DGKD: variants seen among roughly 807,000 people sequenced by gnomAD.
DGKD encodes diacylglycerol kinase delta, also known as DAG kinase delta.
A neutral mutation model predicts 154.4 loss-of-function variants in DGKD; 68 were observed. The ratio of observed to expected loss-of-function variants is 0.44; its 90% confidence interval spans 0.36 to 0.54. The LOEUF is 0.54. Ranked by LOEUF, DGKD falls within the 20% of genes least tolerant of loss-of-function variation. DGKD has a pLI of 0.00. For missense variants in DGKD, 1,343 were observed against 1,593.6 expected, an observed-to-expected ratio of 0.84 and a Z score of 2.68; for synonymous variants, 693 against 638.0, an observed-to-expected ratio of 1.09 and a Z score of -1.30.
rs1292938129 is a variant in DGKD at position 233,397,172 on chromosome 2, GTGAGAGGA to G, written c.348+6690_348+6697del. Among the ~76,000 whole-genome samples the G allele has an allele frequency of 2.0e-4, 21 of 104,682 alleles. 3 individuals are homozygous for G. Among genetic ancestry groups the G allele is most frequent in the East Asian group, 6.2e-4 (2 of 3,212 alleles). 68.7% of individuals were successfully genotyped at this position (104,682 alleles called of 152,430 possible). ...CAGGGTGGCTGCGGGGGGGGCCAGA[GTGAGAGGA>G]CTCCAGAGGGGACCAGGGTGGCTGG... On this transcript the variant is annotated intron_variant, in intron 3 of 29. Coordinates refer to ENST00000264057, the MANE Select transcript of DGKD (RefSeq NM_152879.3).
chr2:233,426,843 C>T (rs1214746694), intron 3 of DGKD, among the ~76,000 whole-genome samples: 4 of 152,226 alleles, frequency 2.6e-5, no homozygotes, highest in Admixed American at 6.5e-5. Context: ...GCACTTGATA[C>T]TGTCTGTTAC....
At chr2:233,398,284 AGG>A in intron 3 of DGKD, among the ~76,000 whole-genome samples, 1 of 151,422 alleles carries the variant, frequency 6.6e-6, no homozygotes, top group Non-Finnish European at 1.5e-5. Context: ...CTGGGAGTAC[AGG>A]TGCCGCCACC....
intron 1 of DGKD, among the ~76,000 whole-genome samples, chr2:233,378,275 G>A (rs1702693751): frequency 6.6e-6 from 1 of 152,082 alleles, no homozygotes; most frequent in Admixed American, 6.5e-5. Flanking sequence ...AGCTGGATGT[G>A]GTGGCGGGCG....
intron 3 of DGKD, among the ~76,000 whole-genome samples, chr2:233,403,328 G>A (rs1461357583): frequency 3.9e-5 from 6 of 152,164 alleles, no homozygotes; most frequent in Non-Finnish European, 2.9e-5. Context: ...GGGAGGCCGA[G>A]GCAGGCGGAT....
Position 233,438,059 on chromosome 2 carries a change from G to T in DGKD, c.923-158G>T, listed in dbSNP as rs537857476. 6.6e-6 allele frequency among the ~76,000 whole-genome samples: 1 copy of T among 152,306 alleles called. No homozygotes were observed. The highest frequency in any genetic ancestry group is 1.5e-5 in the Non-Finnish European group (1 of 68,024). On this transcript the variant is annotated intron_variant, in intron 8 of 29. Transcript: ENST00000264057. This position sits in a 1 kb window ranked among gnomAD's most constrained non-coding sequence, Gnocchi z 4.1. ...GCTCCCGGCCTCACACATGGAGACC[G>T]GCTGTGGGGAACTGTTCACTGACCT...
intron 2 of DGKD, among the ~76,000 whole-genome samples, chr2:233,389,792 C>CG (rs1285363252): frequency 6.6e-6 from 1 of 152,126 alleles, no homozygotes; most frequent in Non-Finnish European, 1.5e-5. Context: ...GAGAGGGAGA[C>CG]GGGGGAGGTC....
At chr2:233,431,941 C>T (rs2062527495) in intron 3 of DGKD, among the ~76,000 whole-genome samples, 1 of 152,096 alleles carries the variant, frequency 6.6e-6, no homozygotes, top group African/African-American at 2.4e-5. Context: ...GCACAGGCAA[C>T]CAAAGCAAAA....
intron 3 of DGKD, among the ~76,000 whole-genome samples, chr2:233,421,999 A>G (rs898348607): frequency 5.3e-5 from 8 of 152,186 alleles, no homozygotes; most frequent in Non-Finnish European, 1.2e-4. Context: ...GGATGGGACA[A>G]TTACTGGTCT....
In DGKD at chr2:233,449,182, A is replaced by T; in HGVS notation, c.1694A>T (p.Asn565Ile). ...TCCCAGGCCTCGTCCTCTCTGCCCA[A>T]CCCGCCCCCCACCATTGCCGAGGAG... ...DESQASSSLPNPPPTIAEEAE... is the reference protein window; with the variant it reads ...DESQASSSLPIPPPTIAEEAE... The change falls in exon 15 of 30, where the codon AAC becomes ATC. Residue 565 changes from asparagine (N) to isoleucine (I), a missense_variant. Physicochemically the swap from Asn to Ile is moderately radical, Grantham distance 149. Coordinates refer to ENST00000264057, the MANE Select transcript of DGKD (RefSeq NM_152879.3). The surrounding 1 kb of genome is among the most constrained non-coding windows in gnomAD (Gnocchi z 5.3). 1.2e-6 allele frequency: 2 copies of T among 1,613,438 alleles called. No individual in the cohort carries two copies. Among genetic ancestry groups the T allele is most frequent in the South Asian group, 2.2e-5 (2 of 91,050 alleles).
At chr2:233,422,152 A>G (rs1399853911) in intron 3 of DGKD, among the ~76,000 whole-genome samples, 1 of 152,204 alleles carries the variant, frequency 6.6e-6, no homozygotes, top group Non-Finnish European at 1.5e-5. Context: ...CTCCCAGAGC[A>G]TACATTGGTA....
At chr2:233,404,947 G>A (rs1359718853) in intron 3 of DGKD, among the ~76,000 whole-genome samples, 1 of 152,188 alleles carries the variant, frequency 6.6e-6, no homozygotes, top group Non-Finnish European at 1.5e-5. Flanking sequence ...AATGGAACCA[G>A]CTTGGAAAGA....
At chr2:233,435,333 G>T (rs560939402) in intron 5 of DGKD, among the ~76,000 whole-genome samples, 4 of 152,184 alleles carry the variant, frequency 2.6e-5, no homozygotes, top group Non-Finnish European at 5.9e-5. Flanking sequence ...CTAGAGCAGG[G>T]CTTGTTAGCT....
At chr2:233,379,974 A>G (rs1036210791) in intron 1 of DGKD, 1 of 152,204 alleles carries the variant, frequency 6.6e-6, no homozygotes, top group African/African-American at 2.4e-5. Flanking sequence ...CATTTTTAAC[A>G]AACGTTCCAG....
In DGKD at chr2:233,359,863, G is replaced by C. The variant is rs924531080; in HGVS notation, c.156+5189G>C. Among the ~76,000 whole-genome samples the C allele has an allele frequency of 2.6e-5, 4 of 152,180 alleles. No individual in the cohort carries two copies. In the South Asian group the frequency reaches 8.3e-4, roughly 32 times the overall value. ...ACACAGTTAATATGAAGTTGTGATG[G>C]GGACGGGTGCTGATGAGGAGAGGGC... is the stretch of plus-strand genomic sequence containing the variant. On this transcript the variant is annotated intron_variant, in intron 1 of 29. Transcript: ENST00000264057.
intron 3 of DGKD, among the ~76,000 whole-genome samples, chr2:233,427,033 C>A (rs2062329229): frequency 6.6e-6 from 1 of 152,186 alleles, no homozygotes; most frequent in African/African-American, 2.4e-5. Context: ...TTCTGTTACC[C>A]TCAAGAGAAT....
chr2:233,444,062 TTCTGCTG>T (rs1201315024), intron 10 of DGKD, among the ~76,000 whole-genome samples: 1 of 152,176 alleles, frequency 6.6e-6, no homozygotes, highest in Non-Finnish European at 1.5e-5. Flanking sequence ...CTTGCAGGGC[TTCTGCTG>T]TCGTCTCTCT....
chr2:233,355,318 A>G (rs913854320), intron 1 of DGKD, among the ~76,000 whole-genome samples: 1 of 152,202 alleles, frequency 6.6e-6, no homozygotes, highest in Non-Finnish European at 1.5e-5. Flanking sequence ...GCTAAATGTT[A>G]GATAAAGACG....
chr2:233,419,227 C>T, intron 3 of DGKD: 1 of 985,718 alleles, frequency 1.0e-6, no homozygotes, highest in African/African-American at 1.7e-5. Flanking sequence ...GCCCCCAGCA[C>T]CGTCCCTTTG....
At chr2:233,397,952 T>C (rs1332325007) in intron 3 of DGKD, among the ~76,000 whole-genome samples, 1 of 152,064 alleles carries the variant, frequency 6.6e-6, no homozygotes, top group African/African-American at 2.4e-5. Flanking sequence ...GAGGCTTCTT[T>C]ATCTTCCATG....
Sources: gnomAD v4.1 joint callset for allele counts (sites outside exome capture counted in the v4.1 genomes callset) on GRCh38, gnomAD v4.1.1 for gene constraint, Gnocchi (gnomAD v3.1) non-coding constraint, MANE v1.5 for transcripts, NCBI Gene and HGNC (gene_info 2026-07-23, HGNC 2026-07-21) for gene names.